Variants in CD40 observed in about 807,000 individuals in gnomAD.
CD40 encodes CD40 molecule, also known as tumor necrosis factor receptor superfamily member 5.
In CD40, 19 loss-of-function variants were observed where a neutral mutation model predicts 38.5. That is an observed-to-expected ratio of 0.49 (90% confidence interval 0.34 to 0.72). The LOEUF is 0.72. Among genes scored for constraint, CD40 ranks in the 30% least tolerant of loss-of-function variants. The pLI is 0.01. For missense variants in CD40, 256 were observed against 344.1 expected, an observed-to-expected ratio of 0.74 and a Z score of 2.03; for synonymous variants, 130 against 128.7, an observed-to-expected ratio of 1.01 and a Z score of -0.07.
chr20:46,119,429 G>T (rs965839269), intron 1 of CD40, among the ~76,000 whole-genome samples: 10 of 152,158 alleles, frequency 6.6e-5, no homozygotes, highest in African/African-American at 2.4e-4. Context: ...TGAAGCAATG[G>T]CTCTTAGGGA....
At chr20:46,128,536 C>G in intron 8 of CD40, 178 bp downstream of exon 8, 1 of 758,726 alleles carries the variant, frequency 1.3e-6, no homozygotes, top group South Asian at 1.5e-5. Flanking sequence ...GCTCAATCCC[C>G]CACAGAACTG....
Position 46,118,371 on chromosome 20 carries a change from C to T in CD40, c.28C>T (p.Leu10Phe). 1 of 1,614,136 alleles carries T rather than the reference C, an allele frequency of 6.2e-7. No homozygotes were observed. Among genetic ancestry groups the T allele is most frequent in the South Asian group, 1.1e-5 (1 of 91,086 alleles). Reference protein sequence around the residue: MVRLPLQCVLWGCLLTAVHP... With the variant: MVRLPLQCVFWGCLLTAVHP... ...GGTTCGTCTGCCTCTGCAGTGCGTCCTCTGGGGCTGCTTGCTGACCGCTGT... is the reference window on the plus strand; with the variant it reads ...GGTTCGTCTGCCTCTGCAGTGCGTCTTCTGGGGCTGCTTGCTGACCGCTGT... The change falls in exon 1 of 9, where the codon CTC becomes TTC. Residue 10 changes from leucine (L) to phenylalanine (F), a missense_variant. By Grantham distance (22) the Leu-to-Phe change is conservative. Coordinates refer to ENST00000372285, the MANE Select transcript of CD40 (RefSeq NM_001250.6).
intron 8 of CD40, chr20:46,128,590 T>G (rs905363044): frequency 2.8e-6 from 2 of 708,830 alleles, no homozygotes; most frequent in African/African-American, 3.5e-5. Flanking sequence ...TGTTCTTCAC[T>G]CCTTTCCTGG....
chr20:46,122,212 T>C lies in CD40; in HGVS notation c.131-21T>C. The C allele has an allele frequency of 6.2e-7, 1 of 1,614,156 alleles. No homozygotes were observed. The highest frequency in any genetic ancestry group is 8.5e-7 in the Non-Finnish European group (1 of 1,179,994). ...TCATGGAGTTGGCCAGAGCCCTCCC[T>C]CATTTCCTGATGTTTTCCAGGACAG... On this transcript the variant is annotated intron_variant, in intron 2 of 8. Coordinates refer to ENST00000372285, the MANE Select transcript of CD40 (RefSeq NM_001250.6). This position sits in a 1 kb window ranked among gnomAD's most constrained non-coding sequence, Gnocchi z 5.0.
At position 46,122,563 on chromosome 20, in the gene CD40, C is replaced by T. The variant is rs1755745231; in HGVS notation, c.257-47C>T. The T allele has an allele frequency of 1.9e-6, 3 of 1,613,196 alleles. No individual in the cohort carries two copies. The highest frequency in any genetic ancestry group is 1.7e-6 in the Non-Finnish European group (2 of 1,179,262). On this transcript the variant is annotated intron_variant, in intron 3 of 8. Coordinates refer to ENST00000372285, the MANE Select transcript of CD40 (RefSeq NM_001250.6). This position sits in a 1 kb window ranked among gnomAD's most constrained non-coding sequence, Gnocchi z 5.0. ...GCAATGTGGGGAGTGAGGCTCAGAGCATGGCCCAGCAGGGGGTTCCCATCC... is the reference window on the plus strand; with the variant it reads ...GCAATGTGGGGAGTGAGGCTCAGAGTATGGCCCAGCAGGGGGTTCCCATCC...
rs150890139 is a variant in CD40 at position 46,128,986 on chromosome 20, G to A, written c.780G>A (p.Pro260=). ...AGGAGACTTTACATGGATGCCAACC[G>A]GTCACCCAGGAGGATGGCAAAGAGA... ...PVQETLHGCQ[P]VTQEDGKESR... The change falls in exon 9 of 9, where the codon CCG becomes CCA. Residue 260 remains proline (P), a synonymous_variant. Transcript: ENST00000372285. The A allele has an allele frequency of 2.8e-5, 45 of 1,614,010 alleles. No individual in the cohort carries two copies. The highest frequency in any genetic ancestry group is 3.6e-5 in the Non-Finnish European group (42 of 1,179,998).
chr20:46,122,358 A>T lies in CD40; in HGVS notation c.256A>T (p.Asn86Tyr). Residue 86 changes from asparagine (N) to tyrosine (Y), a missense_variant and splice_region_variant, in exon 3 of 9, where the codon AAC (asparagine) becomes TAC (tyrosine). Physicochemically the swap from Asn to Tyr is moderately radical, Grantham distance 143. Transcript: ENST00000372285. The surrounding 1 kb of genome is among the most constrained non-coding windows in gnomAD (Gnocchi z 5.0). ...HCHQHKYCDP[N>Y]LGLRVQQKGT... ...CCACCAGCACAAATACTGCGACCCC[A>T]GTGCGTGCGCTGTTGGGAAAGGGAC... 6.2e-7 allele frequency: 1 copy of T among 1,614,188 alleles called. No individual in the cohort carries two copies. Among genetic ancestry groups the T allele is most frequent in the Non-Finnish European group, 8.5e-7 (1 of 1,180,038 alleles).
At chr20:46,127,980 C>T in intron 6 of CD40, 158 bp from the exon 7 acceptor site, 1 of 1,421,734 alleles carries the variant, frequency 7.0e-7, no homozygotes, top group Non-Finnish European at 9.6e-7. Flanking sequence ...CCTTTAAAGA[C>T]ATCTGCCAGC....
At chr20:46,118,852 G>A (rs1449631280) in intron 1 of CD40, among the ~76,000 whole-genome samples, 3 of 152,214 alleles carry the variant, frequency 2.0e-5, no homozygotes, top group Non-Finnish European at 4.4e-5. Context: ...CATCTTGTGG[G>A]AACAAGAGAT....
chr20:46,128,844 C>G (rs745616237), intron 8 of CD40, 38 bp from the exon 9 acceptor site: 21 of 1,609,278 alleles, frequency 1.3e-5, no homozygotes, highest in Non-Finnish European at 1.4e-5. Flanking sequence ...CACAGCTGCC[C>G]CTGCTGCTGG....
Position 46,118,337 on chromosome 20 carries a change from C to G in CD40, c.-7C>G, listed in dbSNP as rs1388742061. On this transcript the variant is annotated 5_prime_UTR_variant, in exon 1 of 9. Transcript: ENST00000372285. ...CCAGTGGTCCTGCCGCCTGGTCTCA[C>G]CTCGCTATGGTTCGTCTGCCTCTGC... is the stretch of plus-strand genomic sequence containing the variant. 1 of 1,613,780 alleles carries G rather than the reference C, an allele frequency of 6.2e-7. No homozygotes were observed. The highest frequency in any genetic ancestry group is 8.5e-7 in the Non-Finnish European group (1 of 1,179,946).
chr20:46,122,757 G>T lies in CD40; in HGVS notation c.403+1G>T, dbSNP rs2085344509. The stretch of plus-strand genomic sequence containing the variant: ...CCCGGCTTTGGGGTCAAGCAGATTG[G>T]TAAGTGGCTCATCTGGGAATCAGTT... On this transcript the variant is annotated splice_donor_variant, in intron 4 of 8. Coordinates refer to ENST00000372285, the MANE Select transcript of CD40 (RefSeq NM_001250.6). LOFTEE classifies it high-confidence loss of function. This position sits in a 1 kb window ranked among gnomAD's most constrained non-coding sequence, Gnocchi z 5.0. 1 of 1,614,178 alleles carries T rather than the reference G, an allele frequency of 6.2e-7. No individual in the cohort carries two copies. The highest frequency in any genetic ancestry group is 8.5e-7 in the Non-Finnish European group (1 of 1,180,028).
chr20:46,126,362 C>G (rs2145607016), intron 5 of CD40, among the ~76,000 whole-genome samples: 1 of 152,292 alleles, frequency 6.6e-6, no homozygotes, highest in South Asian at 2.1e-4. Flanking sequence ...TTTAGCCTAC[C>G]TAGATCACAA....
intron 5 of CD40, among the ~76,000 whole-genome samples, chr20:46,123,665 T>C (rs11569323): frequency 0.15 from 22,383 of 152,074 alleles, 2,311 homozygotes; most frequent in African/African-American, 0.3. Context: ...GAACTTACTG[T>C]CTCCACTGTT....
At position 46,122,782 on chromosome 20, in the gene CD40, T is replaced by C. The variant is rs748001541; in HGVS notation, c.403+26T>C. The C allele has an allele frequency of 1.9e-5, 31 of 1,613,626 alleles. No homozygotes were observed. The highest frequency in any genetic ancestry group is 2.6e-5 in the Non-Finnish European group (31 of 1,179,810). ...GTAAGTGGCTCATCTGGGAATCAGTTTTGGAGGGGGACAGAGGAGCTTAGG... is the reference window on the plus strand; with the variant it reads ...GTAAGTGGCTCATCTGGGAATCAGTCTTGGAGGGGGACAGAGGAGCTTAGG... On this transcript the variant is annotated intron_variant, in intron 4 of 8. Transcript: ENST00000372285. The surrounding 1 kb of genome is among the most constrained non-coding windows in gnomAD (Gnocchi z 5.0).
In CD40 at chr20:46,129,080, G is replaced by A; in HGVS notation, c.*40G>A. The A allele has an allele frequency of 6.2e-7, 1 of 1,610,498 alleles. No homozygotes were observed. Among genetic ancestry groups the A allele is most frequent in the Non-Finnish European group, 8.5e-7 (1 of 1,177,520 alleles). ...AGGAGTGTGGCCACGTGGGCAAACA[G>A]GCAGTTGGCCAGAGAGCCTGGTGCT... On this transcript the variant is annotated 3_prime_UTR_variant, in exon 9 of 9. Coordinates refer to ENST00000372285, the MANE Select transcript of CD40 (RefSeq NM_001250.6).
Position 46,122,850 on chromosome 20 carries a change from G to A in CD40, c.403+94G>A, listed in dbSNP as rs1227253733. ...GGGCAGTGGGCACTTAGCCCCAGAG[G>A]CAGAGGAAGCAGAGGCTCCAACCTA... On this transcript the variant is annotated intron_variant, in intron 4 of 8. Coordinates refer to ENST00000372285, the MANE Select transcript of CD40 (RefSeq NM_001250.6). The surrounding 1 kb of genome is among the most constrained non-coding windows in gnomAD (Gnocchi z 5.0). 1.4e-6 allele frequency: 2 copies of A among 1,464,746 alleles called. No homozygotes were observed. Among genetic ancestry groups the A allele is most frequent in the Non-Finnish European group, 1.9e-6 (2 of 1,065,296 alleles). The allele number at this position is 1,464,746 out of a possible 1,614,324, so 90.7% of individuals were successfully genotyped here. A position where few individuals can be genotyped will look rare whatever the true frequency, so the allele number is the denominator to read the frequency against.
chr20:46,128,442 A>T (rs1263277366), intron 8 of CD40, 84 bp downstream of exon 8: 3 of 1,440,722 alleles, frequency 2.1e-6, no homozygotes, highest in Non-Finnish European at 2.9e-6. Context: ...AGTAAAACTG[A>T]TTCAGAGTCT....
chr20:46,128,527 C>A, intron 8 of CD40, 169 bp downstream of exon 8: 1 of 780,534 alleles, frequency 1.3e-6, no homozygotes, highest in Non-Finnish European at 2.2e-6. Flanking sequence ...CCATCCAGAG[C>A]TCAATCCCCC....
Sources: gnomAD v4.1 joint callset for allele counts (sites outside exome capture counted in the v4.1 genomes callset) on GRCh38, gnomAD v4.1.1 for gene constraint, Gnocchi (gnomAD v3.1) non-coding constraint, MANE v1.5 for transcripts, NCBI Gene and HGNC (gene_info 2026-07-23, HGNC 2026-07-21) for gene names.